The following BTBD9 variants were observed in gnomAD, a reference collection of about 807,000 sequenced individuals.
BTBD9 encodes the protein BTB domain containing 9, also known as BTB/POZ domain-containing protein 9.
Under a neutral mutation model 64.3 loss-of-function variants are expected in BTBD9, and 49 were observed. That is an observed-to-expected ratio of 0.76 (90% confidence interval 0.61 to 0.97). The LOEUF is 0.97. BTBD9 is among the 50% of genes least tolerant of loss of function. The probability of loss-of-function intolerance (pLI) is 0.00; values close to 1 mark genes in which losing one functional copy is unlikely to be tolerated. For synonymous variants in BTBD9, 260 were observed against 274.7 expected (o/e 0.95, Z 0.53); for missense variants, 598 against 762.1 (o/e 0.78, Z 2.53).
Position 38,375,058 on chromosome 6 carries a change from A to G in BTBD9, c.1155-29965T>C, listed in dbSNP as rs530344177. ...ATCATTCTCAATATTCCTTCCATCT[A>G]TGGAATTCTAAGTCCCTTGATAAAA... On this transcript the variant is annotated intron_variant, in intron 6 of 10. Coordinates refer to ENST00000481247, the MANE Select transcript of BTBD9 (RefSeq NM_001099272.2). Among the ~76,000 whole-genome samples the G allele has an allele frequency of 2.2e-4, 33 of 152,298 alleles. No individual in the cohort carries two copies. In the East Asian group the frequency reaches 4.2e-3, roughly 20 times the overall value.
At chr6:38,308,773 T>C (rs964254157) in intron 7 of BTBD9, among the ~76,000 whole-genome samples, 7 of 151,772 alleles carry the variant, frequency 4.6e-5, no homozygotes, top group Non-Finnish European at 1.0e-4. Flanking sequence ...GCCTGGCTTA[T>C]TTATTTATTT....
chr6:38,171,960 T>C lies in BTBD9; in HGVS notation c.*3025A>G, dbSNP rs576104724. 45 of 150,204 alleles carry C rather than the reference T, an allele frequency of 3.0e-4. No homozygotes were observed. Among genetic ancestry groups the C allele is most frequent in the African/African-American group, 1.1e-3 (44 of 40,738 alleles). The allele number at this position is 150,204 out of a possible 1,614,324, so 9.3% of individuals were successfully genotyped here. ...GCCACCTCCCATTTCTTTGCCTGGG[T>C]GGTGGTGACCATGGCGCCCTTGTGT... On this transcript the variant is annotated 3_prime_UTR_variant, in exon 11 of 11. Coordinates refer to ENST00000481247, the MANE Select transcript of BTBD9 (RefSeq NM_001099272.2).
At chr6:38,462,580 AGTTT>A (rs1770150235) in intron 6 of BTBD9, among the ~76,000 whole-genome samples, 1 of 151,916 alleles carries the variant, frequency 6.6e-6, no homozygotes, top group Admixed American at 6.6e-5. Context: ...TTAAGTCACT[AGTTT>A]GTTTTTTTCA....
At chr6:38,606,064 G>A (rs753399479) in intron 1 of BTBD9, among the ~76,000 whole-genome samples, 5 of 152,130 alleles carry the variant, frequency 3.3e-5, no homozygotes, top group Non-Finnish European at 5.9e-5. Context: ...TCCTGCCTTC[G>A]AACATCAGAC....
chr6:38,605,721 A>G (rs147442189), intron 1 of BTBD9, among the ~76,000 whole-genome samples: 3,444 of 152,224 alleles, frequency 0.023, 61 homozygotes, highest in Middle Eastern at 0.041. Flanking sequence ...GGGAGGCTGA[A>G]GCAGGAGGAT....
chr6:38,408,132 G>A (rs1767251342), intron 6 of BTBD9, among the ~76,000 whole-genome samples: 1 of 152,160 alleles, frequency 6.6e-6, no homozygotes, highest in Non-Finnish European at 1.5e-5. Context: ...CGAGGCAAGA[G>A]GATCACATGA....
intron 9 of BTBD9, among the ~76,000 whole-genome samples, chr6:38,247,346 T>C (rs1052329756): frequency 4.6e-5 from 7 of 152,294 alleles, no homozygotes; most frequent in South Asian, 2.1e-4. Context: ...AGGGAATAAA[T>C]AGCAGATACA....
chr6:38,478,907 G>A (rs1771009743), intron 6 of BTBD9, among the ~76,000 whole-genome samples: 1 of 152,126 alleles, frequency 6.6e-6, no homozygotes, highest in African/African-American at 2.4e-5. Flanking sequence ...AGCTCCAGGA[G>A]GAGCTACAAT....
intron 6 of BTBD9, among the ~76,000 whole-genome samples, chr6:38,556,665 A>C (rs946582607): frequency 5.3e-5 from 8 of 151,820 alleles, no homozygotes; most frequent in Admixed American, 2.6e-4. Flanking sequence ...CTCACACACA[A>C]AAAAAGATAA....
chr6:38,531,109 T>G (rs1196431217), intron 6 of BTBD9, among the ~76,000 whole-genome samples: 1 of 152,068 alleles, frequency 6.6e-6, no homozygotes, highest in East Asian at 1.9e-4. Flanking sequence ...AATATTCAAG[T>G]ACAAGAAGGC....
chr6:38,618,398 T>A (rs1050460825), intron 1 of BTBD9, among the ~76,000 whole-genome samples: 1 of 152,230 alleles, frequency 6.6e-6, no homozygotes, highest in East Asian at 1.9e-4. Flanking sequence ...TTTCTTTTCA[T>A]TGAAGTATAA....
intron 7 of BTBD9, among the ~76,000 whole-genome samples, chr6:38,306,590 T>C (rs1762633690): frequency 7.2e-5 from 11 of 152,236 alleles, no homozygotes; most frequent in Admixed American, 7.2e-4. Flanking sequence ...TGAAAACAAT[T>C]TTACTGCTCT....
intron 7 of BTBD9, among the ~76,000 whole-genome samples, chr6:38,317,394 T>C (rs558578976): frequency 6.6e-6 from 1 of 152,226 alleles, no homozygotes; most frequent in African/African-American, 2.4e-5. Context: ...TGTATGTTAT[T>C]TGTTTCTTTT....
chr6:38,300,227 T>C (rs1762334608), intron 7 of BTBD9, among the ~76,000 whole-genome samples: 1 of 152,218 alleles, frequency 6.6e-6, no homozygotes, highest in Admixed American at 6.5e-5. Context: ...ATCTCTGTTT[T>C]GGAACCAGTA....
intron 7 of BTBD9, among the ~76,000 whole-genome samples, chr6:38,310,000 A>AG (rs2127569955): frequency 6.6e-6 from 1 of 152,258 alleles, no homozygotes; most frequent in Non-Finnish European, 1.5e-5. Flanking sequence ...GGAGGCAGAG[A>AG]GAAAAAGGTG....
At chr6:38,225,911 T>A (rs1301515521) in intron 9 of BTBD9, among the ~76,000 whole-genome samples, 2 of 152,192 alleles carry the variant, frequency 1.3e-5, no homozygotes, top group Non-Finnish European at 2.9e-5. Flanking sequence ...GACACACACA[T>A]AGAGAAGACT....
chr6:38,336,206 C>A (rs1004170283), intron 7 of BTBD9, among the ~76,000 whole-genome samples: 2 of 152,144 alleles, frequency 1.3e-5, no homozygotes, highest in African/African-American at 4.8e-5. Context: ...AGGGGCTCTG[C>A]CTGTGGAGTG....
chr6:38,263,067 G>A (rs1357047758), intron 8 of BTBD9, among the ~76,000 whole-genome samples: 2 of 152,164 alleles, frequency 1.3e-5, no homozygotes, highest in Non-Finnish European at 2.9e-5. Context: ...CAGCAACCAG[G>A]ATATTAGTGA....
intron 6 of BTBD9, among the ~76,000 whole-genome samples, chr6:38,349,193 AT>A (rs202027077): frequency 4.6e-5 from 7 of 151,714 alleles, no homozygotes; most frequent in African/African-American, 7.3e-5. Context: ...TGACCCCCAA[AT>A]TTTTTTTTAA....
Sources: gnomAD v4.1 joint callset for allele counts (sites outside exome capture counted in the v4.1 genomes callset) on GRCh38, gnomAD v4.1.1 for gene constraint, MANE v1.5 for transcripts, NCBI Gene and HGNC (gene_info 2026-07-23, HGNC 2026-07-21) for gene names.